Variants in SNURF observed in about 807,000 individuals in gnomAD.
SNURF encodes the protein SNURF protein.
A neutral mutation model predicts 11.6 loss-of-function variants in SNURF; 6 were observed. The ratio of observed to expected loss-of-function variants is 0.52; its 90% CI spans 0.28 to 1.02. The LOEUF (loss-of-function observed/expected upper bound fraction) is 1.02. SNURF is among the 50% of genes least tolerant of loss of function. The pLI is 0.09. For synonymous variants in SNURF, 29 were observed against 31.6 expected (o/e 0.92, Z 0.27); for missense variants, 84 against 88.4 (o/e 0.95, Z 0.20).
chr15:24,975,423 T>C, exon 4 of SNURF: 1 of 1,613,418 alleles, frequency 6.2e-7, no homozygotes, highest in Non-Finnish European at 8.5e-7. Flanking sequence ...TCCTGCAAGA[T>C]GGCCGAATCT....
At chr15:24,961,800 A>G (rs1490756886) in intron 1 of SNURF, among the ~76,000 whole-genome samples, 1 of 152,182 alleles carries the variant, frequency 6.6e-6, no homozygotes, top group Non-Finnish European at 1.5e-5. Flanking sequence ...GTATGTATGT[A>G]TCTACATCTG....
downstream of SNURF, chr15:24,978,134 A>C: frequency 6.4e-7 from 1 of 1,564,538 alleles, no homozygotes; most frequent in Non-Finnish European, 8.7e-7. Flanking sequence ...ATTTGGGCTA[A>C]ATTCTAACTT....
At chr15:24,965,835 G>A (rs937430368) in intron 2 of SNURF, among the ~76,000 whole-genome samples, 1 of 152,054 alleles carries the variant, frequency 6.6e-6, no homozygotes, top group Non-Finnish European at 1.5e-5. Flanking sequence ...CATTGCAATA[G>A]AGAATTATCT....
At chr15:24,959,785 A>G (rs1239021563) in intron 1 of SNURF, among the ~76,000 whole-genome samples, 3 of 152,198 alleles carry the variant, frequency 2.0e-5, no homozygotes, top group Non-Finnish European at 4.4e-5. Flanking sequence ...GTTGATGGAC[A>G]TTTGAGTTGT....
chr15:24,958,502 T>TTG (rs1363090745), intron 1 of SNURF, among the ~76,000 whole-genome samples: 1 of 134,898 alleles, frequency 7.4e-6, no homozygotes, highest in Non-Finnish European at 1.6e-5. Flanking sequence ...TTTTTTTTTT[T>TTG]TTTTTTTTTT....
intron 6 of SNURF, chr15:24,977,752 G>A: frequency 6.4e-7 from 1 of 1,562,560 alleles, no homozygotes; most frequent in Non-Finnish European, 8.7e-7. Context: ...GCATCGCTTT[G>A]ACTGTTTCCC....
intron 2 of SNURF, among the ~76,000 whole-genome samples, chr15:24,966,279 T>TAA (rs912598466): frequency 6.8e-6 from 1 of 146,472 alleles, no homozygotes; most frequent in African/African-American, 2.7e-5. Flanking sequence ...GTGCTATACT[T>TAA]ACTAGTTTTT....
intron 1 of SNURF, among the ~76,000 whole-genome samples, chr15:24,957,109 T>C (rs1226947243): frequency 6.6e-6 from 1 of 152,248 alleles, no homozygotes; most frequent in African/African-American, 2.4e-5. Flanking sequence ...CCTGTAGTCT[T>C]TGATTTCCAT....
chr15:24,962,108 T>C lies in SNURF; in HGVS notation c.15-6T>C. The C allele has an allele frequency of 1.2e-6, 2 of 1,613,790 alleles. No homozygotes were observed. Among genetic ancestry groups the C allele is most frequent in the South Asian group, 1.1e-5 (1 of 91,080 alleles). On this transcript the variant is annotated splice_region_variant and splice_polypyrimidine_tract_variant and intron_variant, in intron 1 of 2. Transcript: ENST00000577949. ...ACCAAACAAATGCCTCTCTTTTCTG[T>C]TTCAGGGATCGCTTACACCTGAGAC...
chr15:24,977,400 A>G (rs2077186225), intron 6 of SNURF, among the ~76,000 whole-genome samples: 1 of 146,058 alleles, frequency 6.8e-6, no homozygotes, highest in East Asian at 1.9e-4. Flanking sequence ...GCACTTTGGG[A>G]GGCCGAGGTG....
At chr15:24,962,178 C>T (rs754147955) in exon 2 of SNURF, 5 of 1,613,970 alleles carry the variant, frequency 3.1e-6, no homozygotes, top group Admixed American at 1.7e-5. Flanking sequence ...CCAAGTCAAA[C>T]GCAGAAGGAC....
chr15:24,965,781 A>G (rs1596265730), intron 2 of SNURF, among the ~76,000 whole-genome samples: 2 of 152,154 alleles, frequency 1.3e-5, no homozygotes, highest in East Asian at 3.9e-4. Flanking sequence ...TCATTTTCTC[A>G]GTCTTTAATC....
At chr15:24,957,462 G>C (rs1406714015) in intron 1 of SNURF, among the ~76,000 whole-genome samples, 1 of 152,144 alleles carries the variant, frequency 6.6e-6, no homozygotes, top group Non-Finnish European at 1.5e-5. Flanking sequence ...GGTGAGAAAG[G>C]TTAATGAATA....
chr15:24,972,355 T>C (rs2076523425), downstream of SNURF, among the ~76,000 whole-genome samples: 4 of 152,086 alleles, frequency 2.6e-5, no homozygotes, highest in African/African-American at 9.7e-5. Flanking sequence ...ATTCAAAACT[T>C]CTAAGTTATA....
chr15:24,976,508 C>T, intron 5 of SNURF: 2 of 879,450 alleles, frequency 2.3e-6, no homozygotes, highest in Non-Finnish European at 3.7e-6. Flanking sequence ...AGACACAGTT[C>T]AACATGGATT....
At chr15:24,967,977 G>T in exon 3 of SNURF, 1 of 1,614,112 alleles carries the variant, frequency 6.2e-7, no homozygotes, top group Non-Finnish European at 8.5e-7. Flanking sequence ...AAGTACCTGT[G>T]GTGGATTTCC....
At chr15:24,978,582 G>T, downstream of SNURF, 1 of 822,256 alleles carries the variant, frequency 1.2e-6, no homozygotes, top group Non-Finnish European at 2.0e-6. Context: ...ATTAAACTGT[G>T]AGGTACTGTT....
chr15:24,966,312 A>G (rs1249976654), intron 2 of SNURF, among the ~76,000 whole-genome samples: 3 of 152,236 alleles, frequency 2.0e-5, no homozygotes, highest in Admixed American at 6.5e-5. Context: ...ACAAATGAAC[A>G]GATGCATAGA....
rs772853913 is a variant in SNURF, at chr15:24,976,447, T to C, written c.*309+31T>C. ...GAAGATGTAGGGCAGGACAGAACTTTAATTTGCAGGGACATCATATTATGT... is the reference window on the plus strand; with the variant it reads ...GAAGATGTAGGGCAGGACAGAACTTCAATTTGCAGGGACATCATATTATGT... On this transcript the variant is annotated intron_variant and NMD_transcript_variant, in intron 5 of 6. Coordinates refer to the SNURF transcript ENST00000580062. 2.9e-6 allele frequency: 4 copies of C among 1,388,820 alleles called. No homozygotes were observed. In the East Asian group the frequency reaches 9.1e-5, roughly 32 times the overall value. 86.0% of individuals were successfully genotyped at this position (1,388,820 alleles called of 1,614,324 possible). A position where few individuals can be genotyped will look rare whatever the true frequency, so the allele number is the denominator to read the frequency against.
Sources: gnomAD v4.1 joint callset for allele counts (sites outside exome capture counted in the v4.1 genomes callset) on GRCh38, gnomAD v4.1.1 for gene constraint, MANE v1.5 for transcripts, NCBI Gene and HGNC (gene_info 2026-07-23, HGNC 2026-07-21) for gene names.